PCAT7: variants seen among roughly 807,000 people sequenced by gnomAD.
PCAT7 encodes prostate cancer associated transcript 7.
At position 94,567,722 on chromosome 9, in the gene PCAT7, C is replaced by A. The variant is rs1305846354; in HGVS notation, n.442-5257C>A. The A allele has an allele frequency of 4.9e-5, 14 of 283,220 alleles. No homozygotes were observed. The Admixed American group carries it at 6.4e-4, about 13-fold the overall frequency. The allele number at this position is 283,220 out of a possible 1,614,324, so 17.5% of individuals were successfully genotyped here. On this transcript the variant is annotated intron_variant and non_coding_transcript_variant, in intron 2 of 8. Coordinates refer to ENST00000647389, the Ensembl canonical transcript of PCAT7. ...GGCTCCTCATTTATGGTGAACCCAA[C>A]TGTGTGTATCTCCCAAGTTCTCACC...
chr9:94,561,838 G>C (rs1216693737), intron 2 of PCAT7, among the ~76,000 whole-genome samples: 2 of 152,168 alleles, frequency 1.3e-5, no homozygotes, highest in Non-Finnish European at 1.5e-5. Context: ...CAGTATGGGT[G>C]GTGGTTATGC....
intron 2 of PCAT7, chr9:94,563,410 C>T (rs1052625416): frequency 6.2e-6 from 10 of 1,613,832 alleles, no homozygotes; most frequent in African/African-American, 4.0e-5. Context: ...GTGCGGTGCA[C>T]GTCAGCCACC....
intron 1 of PCAT7, chr9:94,558,874 G>T: frequency 6.8e-7 from 1 of 1,460,152 alleles, no homozygotes; most frequent in South Asian, 1.2e-5. Flanking sequence ...TCTGTTTATC[G>T]TTCATTTAGG....
At chr9:94,563,554 G>C in intron 2 of PCAT7, 1 of 1,413,126 alleles carries the variant, frequency 7.1e-7, no homozygotes. Context: ...TGTGACCTCT[G>C]CCTTCTTGAA....
intron 2 of PCAT7, chr9:94,571,716 A>G: frequency 1.1e-6 from 1 of 945,174 alleles, no homozygotes; most frequent in Non-Finnish European, 1.5e-6. Flanking sequence ...CGGTTCTTTG[A>G]ATTTTAAGCT....
chr9:94,565,424 A>G (rs1827172005), intron 2 of PCAT7, among the ~76,000 whole-genome samples: 1 of 151,382 alleles, frequency 6.6e-6, no homozygotes, highest in Non-Finnish European at 1.5e-5. Context: ...GGAGTATCTT[A>G]CACATGAATT....
intron 2 of PCAT7, chr9:94,569,234 TGA>T (rs925092441): frequency 6.6e-6 from 1 of 152,202 alleles, no homozygotes; most frequent in Non-Finnish European, 1.5e-5. Context: ...GAAACCTGAG[TGA>T]GAGGCGCAGC....
At chr9:94,571,566 G>A in intron 2 of PCAT7, 9 of 1,613,800 alleles carry the variant, frequency 5.6e-6, no homozygotes, top group Non-Finnish European at 7.6e-6. Context: ...CGGCCACACT[G>A]CAGGGCATCC....
upstream of PCAT7, among the ~76,000 whole-genome samples, chr9:94,554,779 GGCTCCAGGCTCCAA>G (rs2131432632): frequency 6.6e-6 from 1 of 152,284 alleles, no homozygotes; most frequent in Admixed American, 6.5e-5. Flanking sequence ...GAGTGCCCCA[GGCTCCAGGCTCCAA>G]GCTCCAGGCT....
intron 1 of PCAT7, among the ~76,000 whole-genome samples, chr9:94,555,534 T>G (rs1587832126): frequency 1.6e-5 from 2 of 125,846 alleles, no homozygotes; most frequent in Admixed American, 8.4e-5. Flanking sequence ...AGTTTATGGG[T>G]GGATGAAGGG....
At chr9:94,562,119 G>C (rs1827115697) in intron 2 of PCAT7, among the ~76,000 whole-genome samples, 1 of 151,878 alleles carries the variant, frequency 6.6e-6, no homozygotes, top group Non-Finnish European at 1.5e-5. Context: ...AGACCATCCT[G>C]GCTAACATGG....
intron 2 of PCAT7, among the ~76,000 whole-genome samples, chr9:94,561,140 A>T (rs921209096): frequency 2.6e-5 from 4 of 152,168 alleles, no homozygotes; most frequent in Non-Finnish European, 5.9e-5. Context: ...GATTTGGGGT[A>T]TCAGATAATA....
intron 2 of PCAT7, chr9:94,570,993 A>G (rs3852401): frequency 0.22 from 33,856 of 152,632 alleles, 6,770 homozygotes; most frequent in African/African-American, 0.54. Flanking sequence ...TTTGGTGGAT[A>G]TTATCTGAGT....
At chr9:94,563,304 C>T in intron 2 of PCAT7, 1 of 1,607,632 alleles carries the variant, frequency 6.2e-7, no homozygotes, top group Non-Finnish European at 8.5e-7. Context: ...CCCCACCTCC[C>T]TGACCGGATG....
intron 2 of PCAT7, among the ~76,000 whole-genome samples, chr9:94,563,733 C>G (rs1185844495): frequency 1.3e-5 from 2 of 151,706 alleles, no homozygotes; most frequent in African/African-American, 2.4e-5. Flanking sequence ...GCTAAACAAA[C>G]AAAGAAAAAG....
At chr9:94,558,769 C>T (rs1827046730) in intron 1 of PCAT7, 6 of 627,638 alleles carry the variant, frequency 9.6e-6, no homozygotes, top group Non-Finnish European at 1.7e-5. Context: ...ACCATAGAAT[C>T]GCCTGTGGCT....
At chr9:94,563,452 C>T (rs1827139312) in intron 2 of PCAT7, 1 of 1,613,246 alleles carries the variant, frequency 6.2e-7, no homozygotes. Flanking sequence ...CCATAGGGAG[C>T]ACTGCCATCC....
At chr9:94,557,037 ATGTC>A (rs1413369962) in intron 1 of PCAT7, among the ~76,000 whole-genome samples, 1 of 152,074 alleles carries the variant, frequency 6.6e-6, no homozygotes, top group Non-Finnish European at 1.5e-5. Flanking sequence ...TCACTTGTCT[ATGTC>A]TGTCTGTCTC....
chr9:94,555,650 T>C (rs1284571846), intron 1 of PCAT7, among the ~76,000 whole-genome samples: 1 of 150,516 alleles, frequency 6.6e-6, no homozygotes, highest in East Asian at 2.0e-4. Context: ...GAGAGAAGTT[T>C]TTGGGTAGAG....
Sources: allele counts gnomAD v4.1 joint callset (sites outside exome capture counted in the v4.1 genomes callset), GRCh38; gene constraint gnomAD v4.1.1; transcripts MANE v1.5; gene names NCBI Gene and HGNC (gene_info 2026-07-23, HGNC 2026-07-21).